The following DCDC1 variants were observed in gnomAD, a reference collection of about 807,000 sequenced individuals.
DCDC1 encodes doublecortin domain containing 1.
Under a neutral mutation model 178.3 loss-of-function variants are expected in DCDC1, and 200 were observed. The ratio of observed to expected loss-of-function variants is 1.12; its 90% CI spans 1.00 to 1.26. The LOEUF is 1.26. Ranked by LOEUF, DCDC1 falls within the 50% of genes most tolerant of loss-of-function variation. The pLI, the probability that DCDC1 is intolerant of heterozygous loss-of-function variation, is 0.00. For synonymous variants in DCDC1, 690 were observed against 604.8 expected (o/e 1.14, Z -2.07); for missense variants, 1,983 against 1,749.2 (o/e 1.13, Z -2.38).
chr11:31,337,524 G>A (rs1184282867), intron 1 of DCDC1, among the ~76,000 whole-genome samples: 1 of 152,106 alleles, frequency 6.6e-6, no homozygotes, highest in East Asian at 1.9e-4. Flanking sequence ...ACTTAACTGG[G>A]TATGATTGCA....
At chr11:31,047,229 A>G (rs1444503353) in intron 20 of DCDC1, among the ~76,000 whole-genome samples, 1 of 152,206 alleles carries the variant, frequency 6.6e-6, no homozygotes, top group African/African-American at 2.4e-5. Flanking sequence ...TACATTATAC[A>G]AATTAAGGTT....
chr11:30,911,273 T>C, intron 28 of DCDC1, 54 bp downstream of exon 28: 1 of 1,444,510 alleles, frequency 6.9e-7, no homozygotes, highest in South Asian at 1.2e-5. Flanking sequence ...GCACAAAGCT[T>C]TACTTAAATT....
chr11:31,031,149 C>T lies in DCDC1; in HGVS notation c.2591+33320G>A, dbSNP rs199570408. Among the ~76,000 whole-genome samples the T allele has an allele frequency of 3.3e-5, 5 of 152,042 alleles. No individual in the cohort carries two copies. The East Asian group carries it at 5.8e-4, about 18-fold the overall frequency. ...TTCTTCATTAAAGAATTTTGAATCA[C>T]GAACATGTAAGGATTACATGAAAGG... On this transcript the variant is annotated intron_variant, in intron 20 of 38. Transcript: ENST00000684477.
At chr11:31,206,344 T>G (rs1233151790) in intron 9 of DCDC1, among the ~76,000 whole-genome samples, 1 of 152,174 alleles carries the variant, frequency 6.6e-6, no homozygotes, top group Non-Finnish European at 1.5e-5. Context: ...GCCAAAAATG[T>G]TTACCCTGAA....
At chr11:31,302,691 G>A (rs973372377) in intron 6 of DCDC1, among the ~76,000 whole-genome samples, 1 of 152,092 alleles carries the variant, frequency 6.6e-6, no homozygotes, top group Admixed American at 6.6e-5. Context: ...GTGTTTCAAG[G>A]TATGTGATGA....
chr11:30,936,868 C>T (rs544691957), intron 21 of DCDC1, among the ~76,000 whole-genome samples: 2 of 152,230 alleles, frequency 1.3e-5, no homozygotes, highest in South Asian at 4.2e-4. Flanking sequence ...TTAATCCCTC[C>T]ATTACTGGTT....
chr11:31,287,212 G>GCAAAA (rs1433307739), intron 7 of DCDC1, among the ~76,000 whole-genome samples: 4 of 150,640 alleles, frequency 2.7e-5, no homozygotes, highest in African/African-American at 4.9e-5. Flanking sequence ...CCCCCACCCT[G>GCAAAA]CAAAACAAAA....
At chr11:31,206,562 C>T (rs957366435) in intron 9 of DCDC1, among the ~76,000 whole-genome samples, 17 of 152,048 alleles carry the variant, frequency 1.1e-4, no homozygotes, top group African/African-American at 1.4e-4. Context: ...TACAGGCATG[C>T]GCCACCACGC....
intron 36 of DCDC1, among the ~76,000 whole-genome samples, chr11:30,887,540 G>A (rs1372058253): frequency 6.6e-6 from 1 of 152,170 alleles, no homozygotes; most frequent in Non-Finnish European, 1.5e-5. Context: ...GCATTGAAGT[G>A]TTCTGAAATA....
At chr11:31,314,915 A>G (rs1948980807) in intron 3 of DCDC1, among the ~76,000 whole-genome samples, 1 of 152,220 alleles carries the variant, frequency 6.6e-6, no homozygotes, top group Admixed American at 6.5e-5. Flanking sequence ...ATTTCAGGGT[A>G]GCATTTAATT....
intron 9 of DCDC1, among the ~76,000 whole-genome samples, chr11:31,167,062 A>G (rs547382231): frequency 1.1e-4 from 17 of 152,288 alleles, no homozygotes; most frequent in African/African-American, 3.8e-4. Flanking sequence ...GTCAAATCTA[A>G]TACTAACACA....
chr11:30,952,671 C>T (rs1207031469), intron 20 of DCDC1, 103 bp from the exon 21 acceptor site: 17 of 445,738 alleles, frequency 3.8e-5, no homozygotes, highest in Non-Finnish European at 5.7e-5. Context: ...TAGGCAAAAA[C>T]TCAGTTTGAA....
At chr11:30,891,088 A>G (rs1943733866) in intron 36 of DCDC1, among the ~76,000 whole-genome samples, 1 of 152,228 alleles carries the variant, frequency 6.6e-6, no homozygotes, top group Non-Finnish European at 1.5e-5. Flanking sequence ...ATTTCTCTAC[A>G]TTCCCAAGTA....
At chr11:31,298,733 A>T (rs1947882091) in intron 6 of DCDC1, among the ~76,000 whole-genome samples, 1 of 152,224 alleles carries the variant, frequency 6.6e-6, no homozygotes, top group Admixed American at 6.5e-5. Context: ...TACTTCAAAA[A>T]AGCCAATGTC....
intron 9 of DCDC1, among the ~76,000 whole-genome samples, chr11:31,198,331 C>T (rs1399915681): frequency 1.3e-5 from 2 of 151,904 alleles, no homozygotes; most frequent in Admixed American, 1.3e-4. Flanking sequence ...GATCATGGGA[C>T]TTGTCTTGAA....
intron 2 of DCDC1, among the ~76,000 whole-genome samples, chr11:31,330,777 AC>A (rs1314065345): frequency 1.3e-5 from 2 of 152,200 alleles, no homozygotes; most frequent in African/African-American, 2.4e-5. Flanking sequence ...TGTTACCAGT[AC>A]CATGCTGTTT....
At chr11:31,203,660 CA>C (rs1971554105) in intron 9 of DCDC1, among the ~76,000 whole-genome samples, 1 of 152,110 alleles carries the variant, frequency 6.6e-6, no homozygotes, top group Non-Finnish European at 1.5e-5. Flanking sequence ...TCTCCTTCCA[CA>C]AAAGATACCT....
chr11:31,066,563 A>G (rs1389501984), intron 18 of DCDC1, among the ~76,000 whole-genome samples: 12 of 152,208 alleles, frequency 7.9e-5, no homozygotes, highest in Non-Finnish European at 1.6e-4. Context: ...TAGATACTAA[A>G]TAACTTTTAA....
intron 20 of DCDC1, among the ~76,000 whole-genome samples, chr11:31,063,401 G>A (rs1412962881): frequency 6.6e-6 from 1 of 152,076 alleles, no homozygotes; most frequent in Non-Finnish European, 1.5e-5. Flanking sequence ...CACATGCACA[G>A]GTATGTTTAT....
Sources: allele counts gnomAD v4.1 joint callset (sites outside exome capture counted in the v4.1 genomes callset), GRCh38; gene constraint gnomAD v4.1.1; transcripts MANE v1.5; gene names NCBI Gene and HGNC (gene_info 2026-07-23, HGNC 2026-07-21).